CA10: variants seen among roughly 807,000 people sequenced by gnomAD.
CA10 encodes carbonic anhydrase 10 (inactive), also known as carbonic anhydrase-related protein 10.
Under a neutral mutation model 44.2 loss-of-function variants are expected in CA10, and 14 were observed. The ratio of observed to expected loss-of-function variants is 0.32; its 90% confidence interval spans 0.21 to 0.50. The LOEUF (loss-of-function observed/expected upper bound fraction) is 0.50. Ranked by LOEUF, CA10 falls within the 20% of genes least tolerant of loss-of-function variation. The pLI, the probability that CA10 is intolerant of heterozygous loss-of-function variation, is 0.99. For synonymous variants in CA10, 159 were observed against 141.6 expected, an observed-to-expected ratio of 1.12 and a Z score of -0.87; for missense variants, 350 against 409.7, an observed-to-expected ratio of 0.85 and a Z score of 1.26.
In CA10 at chr17:51,635,887, T is replaced by G; in HGVS notation, c.757A>C (p.Met253Leu). 1 of 1,608,646 alleles carries G rather than the reference T, an allele frequency of 6.2e-7. No homozygotes were observed. Residue 253 changes from methionine (M) to leucine (L), a missense_variant, in exon 7 of 9, where the codon ATG becomes CTG. Transcript: ENST00000451037. ...PCYETASWII[M>L]NKPVYITRMQ... ...CTGGTTATATAGACAGGTTTGTTCATTATGATCCAACTTGCTGTCTCATAG... is the reference window on the plus strand; with the variant it reads ...CTGGTTATATAGACAGGTTTGTTCAGTATGATCCAACTTGCTGTCTCATAG...
intron 3 of CA10, among the ~76,000 whole-genome samples, chr17:51,819,939 CCT>C (rs1310545275): frequency 6.6e-6 from 1 of 152,024 alleles, no homozygotes; most frequent in Admixed American, 6.6e-5. Flanking sequence ...TGTTTATCCC[CCT>C]CTCTGTCTCT....
intron 3 of CA10, among the ~76,000 whole-genome samples, chr17:51,893,520 A>G (rs1980948081): frequency 6.6e-6 from 1 of 152,196 alleles, no homozygotes; most frequent in African/African-American, 2.4e-5. Flanking sequence ...GTTTCTGGTA[A>G]AGAATTTAGA....
At chr17:52,052,962 ATG>A (rs147825814) in intron 2 of CA10, among the ~76,000 whole-genome samples, 11 of 151,086 alleles carry the variant, frequency 7.3e-5, no homozygotes, top group African/African-American at 2.2e-4. Context: ...AGTGTGAGTG[ATG>A]TGTGTGTGTG....
At chr17:51,966,287 T>G (rs950186685) in intron 2 of CA10, among the ~76,000 whole-genome samples, 1 of 151,880 alleles carries the variant, frequency 6.6e-6, no homozygotes, top group African/African-American at 2.4e-5. Context: ...TGCTGCCCAG[T>G]GCAATCTACA....
intron 2 of CA10, among the ~76,000 whole-genome samples, chr17:52,044,710 G>A (rs974089315): frequency 6.6e-6 from 1 of 152,120 alleles, no homozygotes; most frequent in Non-Finnish European, 1.5e-5. Context: ...CATGAGATTA[G>A]TAGCAGATTA....
intron 3 of CA10, among the ~76,000 whole-genome samples, chr17:51,864,505 T>C (rs896818007): frequency 6.6e-6 from 1 of 152,206 alleles, no homozygotes; most frequent in Non-Finnish European, 1.5e-5. Flanking sequence ...CTTTCTCCTA[T>C]TTTCATTGAG....
intron 4 of CA10, among the ~76,000 whole-genome samples, chr17:51,712,646 A>G (rs568882739): frequency 6.6e-6 from 1 of 152,352 alleles, no homozygotes; most frequent in East Asian, 1.9e-4. Flanking sequence ...AAGCTACTCC[A>G]TAAAGCCAGG....
At chr17:52,057,077 G>T (rs192005603) in intron 2 of CA10, among the ~76,000 whole-genome samples, 1 of 152,210 alleles carries the variant, frequency 6.6e-6, no homozygotes, top group Non-Finnish European at 1.5e-5. Flanking sequence ...TGTGTTGGAG[G>T]CTAACTGAAT....
chr17:51,678,054 G>T (rs185722485), intron 4 of CA10, among the ~76,000 whole-genome samples: 8 of 152,226 alleles, frequency 5.3e-5, no homozygotes, highest in Non-Finnish European at 1.2e-4. Context: ...ATATTATCCT[G>T]CCATGAAAAG....
Position 52,072,410 on chromosome 17 carries a change from G to T in CA10, c.62-17C>A, listed in dbSNP as rs766851487. On this transcript the variant is annotated splice_polypyrimidine_tract_variant and intron_variant, in intron 1 of 8. Transcript: ENST00000451037. ...TCTGTTGAGCTAAAGGAAAAGCAAA[G>T]AAGAGAGATTAAGATGATAGCAGAG... 5 of 1,591,524 alleles carry T rather than the reference G, an allele frequency of 3.1e-6. No homozygotes were observed. The East Asian group carries it at 1.1e-4, about 36-fold the overall frequency.
intron 3 of CA10, among the ~76,000 whole-genome samples, chr17:51,790,088 C>G (rs1407562221): frequency 6.6e-6 from 1 of 152,150 alleles, no homozygotes; most frequent in East Asian, 1.9e-4. Flanking sequence ...ATGGGAGGAG[C>G]CATCGTGCAT....
chr17:51,995,048 G>A (rs1056040099), intron 2 of CA10, among the ~76,000 whole-genome samples: 5 of 151,804 alleles, frequency 3.3e-5, no homozygotes, highest in Admixed American at 2.0e-4. Context: ...CAAAAGATGC[G>A]TGAATGGAAC....
At chr17:51,769,105 C>T (rs771037894) in intron 3 of CA10, among the ~76,000 whole-genome samples, 2 of 152,138 alleles carry the variant, frequency 1.3e-5, no homozygotes, top group Non-Finnish European at 2.9e-5. Flanking sequence ...TTTGTTAAGG[C>T]AACTCAATGA....
intron 2 of CA10, among the ~76,000 whole-genome samples, chr17:51,959,209 CTTTT>C (rs112948472): frequency 4.9e-5 from 6 of 122,270 alleles, no homozygotes; most frequent in Non-Finnish European, 7.0e-5. Flanking sequence ...GGAAGACATT[CTTTT>C]TTTTTTTTTT....
rs10549926 is a variant in CA10, at chr17:51,942,538, T to TTATATATATATATATATA, written c.137-11407_137-11406insTATATATATATATATATA. 9.5e-4 allele frequency among the ~76,000 whole-genome samples: 129 copies of TTATATATATATATATATA among 135,208 alleles called. 3 individuals are homozygous for TTATATATATATATATATA. In the South Asian group the frequency reaches 0.011, roughly 11 times the overall value. The allele number at this position is 135,208 out of a possible 152,430, so 88.7% of individuals were successfully genotyped here. A position where few individuals can be genotyped will look rare whatever the true frequency, so the allele number is the denominator to read the frequency against. On this transcript the variant is annotated intron_variant, in intron 2 of 8. Coordinates refer to ENST00000451037, the MANE Select transcript of CA10 (RefSeq NM_020178.5). ...AGCCAGGAAGGAAATCTTGCAGGCATTATATATATATATATATCTGTCATC... is the reference window on the plus strand; with the variant it reads ...AGCCAGGAAGGAAATCTTGCAGGCATTATATATATATATATATATATATATATATATATATCTGTCATC...
chr17:52,144,966 C>T (rs1989553476), intron 1 of CA10, among the ~76,000 whole-genome samples: 1 of 152,036 alleles, frequency 6.6e-6, no homozygotes, highest in Admixed American at 6.6e-5. Context: ...AAATAACTTC[C>T]TAAAGTCACA....
chr17:52,104,799 C>T (rs1281646354), intron 1 of CA10, among the ~76,000 whole-genome samples: 1 of 152,210 alleles, frequency 6.6e-6, no homozygotes, highest in African/African-American at 2.4e-5. Context: ...TCTCGCTAGT[C>T]TTGGCCCTGC....
At chr17:52,148,372 G>A (rs1170509307) in intron 1 of CA10, among the ~76,000 whole-genome samples, 1 of 152,194 alleles carries the variant, frequency 6.6e-6, no homozygotes, top group Non-Finnish European at 1.5e-5. Flanking sequence ...AATTGTCCTA[G>A]TTCAAGCCTT....
intron 1 of CA10, among the ~76,000 whole-genome samples, chr17:52,094,273 T>G (rs8077561): frequency 0.61 from 91,509 of 150,584 alleles, 28,977 homozygotes; most frequent in African/African-American, 0.79. Context: ...ATGTAACCCA[T>G]AACTTAAAGT....
Sources: gnomAD v4.1 joint callset for allele counts (sites outside exome capture counted in the v4.1 genomes callset) on GRCh38, gnomAD v4.1.1 for gene constraint, MANE v1.5 for transcripts, NCBI Gene and HGNC (gene_info 2026-07-23, HGNC 2026-07-21) for gene names.